The following PPFIA2 variants were observed in gnomAD, a reference collection of about 807,000 sequenced individuals.
The protein encoded by PPFIA2 is PPFI scaffold protein A2, also known as liprin-alpha-2.
A neutral mutation model predicts 175.5 loss-of-function variants in PPFIA2; 46 were observed. That is an observed-to-expected ratio of 0.26 (90% CI 0.21 to 0.34). The LOEUF (loss-of-function observed/expected upper bound fraction) is 0.34, where lower values mean the gene tolerates loss of function less well. Ranked by LOEUF, PPFIA2 falls within the 10% of genes least tolerant of loss-of-function variation. The pLI is 1.00. For synonymous variants in PPFIA2, 568 were observed against 511.4 expected, an observed-to-expected ratio of 1.11 and a Z score of -1.49; for missense variants, 1,179 against 1,506.1, an observed-to-expected ratio of 0.78 and a Z score of 3.60.
chr12:81,606,243 C>A (rs999365131), intron 4 of PPFIA2, among the ~76,000 whole-genome samples: 1 of 152,024 alleles, frequency 6.6e-6, no homozygotes, highest in Non-Finnish European at 1.5e-5. Context: ...AGGTTGATTC[C>A]ATGTCTTTGC....
chr12:81,400,289 T>C (rs1238337610), intron 8 of PPFIA2, among the ~76,000 whole-genome samples: 1 of 152,144 alleles, frequency 6.6e-6, no homozygotes, highest in African/African-American at 2.4e-5. Flanking sequence ...TGTTGGCTTG[T>C]TCTAAGTACC....
intron 4 of PPFIA2, among the ~76,000 whole-genome samples, chr12:81,516,897 G>C (rs2062517627): frequency 6.6e-6 from 1 of 152,246 alleles, no homozygotes; most frequent in South Asian, 2.1e-4. Context: ...ATCTGAACCA[G>C]AAACACAGAT....
intron 21 of PPFIA2, 81 bp downstream of exon 21, chr12:81,339,099 G>T (rs2057608467): frequency 1.7e-6 from 2 of 1,201,332 alleles, no homozygotes; most frequent in African/African-American, 1.6e-5. Context: ...GAAGAGCAAT[G>T]AAATGAAATG....
chr12:81,335,401 A>G (rs1166732914), intron 21 of PPFIA2, among the ~76,000 whole-genome samples: 1 of 152,094 alleles, frequency 6.6e-6, no homozygotes, highest in East Asian at 1.9e-4. Context: ...TGGGGATACA[A>G]ACCAAACCTG....
rs1312837064 is a variant in PPFIA2, at chr12:81,495,845, A to G, written c.304-37979T>C. Among the ~76,000 whole-genome samples, 4 of 152,278 alleles carry G rather than the reference A, an allele frequency of 2.6e-5. No individual in the cohort carries two copies. In the East Asian group the frequency reaches 7.7e-4, roughly 29 times the overall value. The stretch of plus-strand genomic sequence containing the variant: ...CAAAACAAAACAAAAGTATAATATT[A>G]TAAGGCTCCAATTTTAAAATGTTCT... On this transcript the variant is annotated intron_variant, in intron 4 of 32. Transcript: ENST00000549396.
At chr12:81,638,551 A>AAT (rs1244469101) in intron 4 of PPFIA2, among the ~76,000 whole-genome samples, 3 of 152,014 alleles carry the variant, frequency 2.0e-5, no homozygotes, top group Non-Finnish European at 4.4e-5. Context: ...TTCTTTGATC[A>AAT]ATATAAGATG....
chr12:81,523,108 T>A (rs561784550), intron 4 of PPFIA2, among the ~76,000 whole-genome samples: 6 of 152,302 alleles, frequency 3.9e-5, no homozygotes, highest in Admixed American at 2.0e-4. Flanking sequence ...TCATTGGCGA[T>A]AAATCTGTCA....
chr12:81,567,430 T>C (rs1001912020), intron 4 of PPFIA2, among the ~76,000 whole-genome samples: 6 of 152,188 alleles, frequency 3.9e-5, no homozygotes, highest in Admixed American at 1.3e-4. Context: ...AAATGACTTA[T>C]GCTGGGCCTT....
intron 4 of PPFIA2, among the ~76,000 whole-genome samples, chr12:81,606,743 T>C (rs574855268): frequency 6.6e-6 from 1 of 152,222 alleles, no homozygotes; most frequent in East Asian, 1.9e-4. Flanking sequence ...TCACAAATAT[T>C]TCCTCCCATT....
intron 4 of PPFIA2, among the ~76,000 whole-genome samples, chr12:81,564,485 G>C (rs2070877592): frequency 6.6e-6 from 1 of 152,138 alleles, no homozygotes; most frequent in African/African-American, 2.4e-5. Flanking sequence ...ATTAAGGATG[G>C]AGTTCTTTTG....
At chr12:81,619,461 A>G (rs2061783374) in intron 4 of PPFIA2, among the ~76,000 whole-genome samples, 1 of 152,196 alleles carries the variant, frequency 6.6e-6, no homozygotes, top group Non-Finnish European at 1.5e-5. Flanking sequence ...AAGAGTGAGT[A>G]GGACTAGTTT....
intron 5 of PPFIA2, among the ~76,000 whole-genome samples, chr12:81,450,440 T>G (rs1386152287): frequency 1.3e-5 from 2 of 152,242 alleles, no homozygotes; most frequent in Non-Finnish European, 2.9e-5. Context: ...AATGTCCTTT[T>G]GAGAAGTGTC....
intron 4 of PPFIA2, 113 bp from the exon 5 acceptor site, chr12:81,457,979 G>A: frequency 1.6e-6 from 1 of 644,562 alleles, no homozygotes; most frequent in South Asian, 2.0e-5. Context: ...CCACTGACTG[G>A]TCAACATATG....
chr12:81,476,628 C>T (rs1275139100), intron 4 of PPFIA2, among the ~76,000 whole-genome samples: 1 of 152,146 alleles, frequency 6.6e-6, no homozygotes, highest in Non-Finnish European at 1.5e-5. Flanking sequence ...GAAGTTTGGT[C>T]TGCATTGTGG....
intron 4 of PPFIA2, among the ~76,000 whole-genome samples, chr12:81,652,344 T>C (rs1367177031): frequency 1.3e-5 from 2 of 151,306 alleles, no homozygotes; most frequent in African/African-American, 2.4e-5. Context: ...AAAGTTATCA[T>C]TGGCGATTTG....
At chr12:81,294,775 A>C in intron 24 of PPFIA2, 60 bp downstream of exon 24, 1 of 1,523,850 alleles carries the variant, frequency 6.6e-7, no homozygotes, top group Non-Finnish European at 9.0e-7. Context: ...TGCTCTGTAG[A>C]CTTAGACACA....
chr12:81,330,244 A>G (rs973517408), intron 21 of PPFIA2, among the ~76,000 whole-genome samples: 1 of 152,184 alleles, frequency 6.6e-6, no homozygotes, highest in Non-Finnish European at 1.5e-5. Flanking sequence ...CACGAAGGCC[A>G]TTGCAATCCC....
intron 3 of PPFIA2, among the ~76,000 whole-genome samples, chr12:81,703,407 A>G (rs188285355): frequency 6.6e-6 from 1 of 152,078 alleles, no homozygotes; most frequent in East Asian, 1.9e-4. Context: ...TTCTTCCTCA[A>G]TCCCCAAGTC....
chr12:81,580,888 C>T (rs1176378484), intron 4 of PPFIA2, among the ~76,000 whole-genome samples: 1 of 151,774 alleles, frequency 6.6e-6, no homozygotes, highest in African/African-American at 2.4e-5. Flanking sequence ...CCTTAAGGAA[C>T]TCACAGAATC....
Sources: allele counts gnomAD v4.1 joint callset (sites outside exome capture counted in the v4.1 genomes callset), GRCh38; gene constraint gnomAD v4.1.1; transcripts MANE v1.5; gene names NCBI Gene and HGNC (gene_info 2026-07-23, HGNC 2026-07-21).